The following HOGA1 variants were observed in gnomAD, a reference collection of about 807,000 sequenced individuals.
The protein encoded by HOGA1 is 4-hydroxy-2-oxoglutarate aldolase, mitochondrial.
In HOGA1, 30 loss-of-function variants were observed where a neutral mutation model predicts 34.3. The ratio of observed to expected loss-of-function variants is 0.87; its 90% confidence interval spans 0.65 to 1.19. HOGA1 has a LOEUF of 1.19. Ranked by LOEUF, HOGA1 falls within the 50% of genes most tolerant of loss-of-function variation. The pLI, the probability that HOGA1 is intolerant of heterozygous loss-of-function variation, is 0.00. For missense variants in HOGA1, 417 were observed against 436.5 expected (o/e 0.96, Z 0.40); for synonymous variants, 161 against 174.0 (o/e 0.93, Z 0.59).
intron 1 of HOGA1, chr10:97,590,460 A>T (rs1324554082): frequency 6.2e-7 from 1 of 1,613,754 alleles, no homozygotes; most frequent in South Asian, 1.1e-5. Flanking sequence ...CAGCGGGAAA[A>T]CACCATAGCT....
In HOGA1 at chr10:97,599,673, T is replaced by G; in HGVS notation, c.469-7T>G. On this transcript the variant is annotated splice_region_variant and splice_polypyrimidine_tract_variant and intron_variant, in intron 3 of 6. Coordinates refer to ENST00000370646, the MANE Select transcript of HOGA1 (RefSeq NM_138413.4). ...TCTCCTGCTTTTCTCTGCGCCCCCC[T>G]CCCCAGGTTGCTGATCTCTCTCCAA... 6.2e-7 allele frequency: 1 copy of G among 1,613,830 alleles called. No individual in the cohort carries two copies. Among genetic ancestry groups the G allele is most frequent in the Non-Finnish European group, 8.5e-7 (1 of 1,179,962 alleles).
At chr10:97,610,769 C>T (rs989033437) in intron 6 of HOGA1, among the ~76,000 whole-genome samples, 3 of 151,882 alleles carry the variant, frequency 2.0e-5, no homozygotes, top group African/African-American at 7.2e-5. Context: ...CACTGCACTC[C>T]AGCCTGGGTG....
intron 1 of HOGA1, among the ~76,000 whole-genome samples, chr10:97,593,693 A>C (rs2041046538): frequency 6.6e-6 from 1 of 152,270 alleles, no homozygotes; most frequent in South Asian, 2.1e-4. Flanking sequence ...GGCACCACAC[A>C]GGAGGCCAGA....
chr10:97,586,220 G>A lies in HOGA1; in HGVS notation c.211+1306G>A, dbSNP rs142682487. Among the ~76,000 whole-genome samples the A allele has an allele frequency of 3.8e-3, 578 of 152,184 alleles. 2 individuals carry two copies. Among genetic ancestry groups the A allele is most frequent in the Middle Eastern group, 0.037 (11 of 294 alleles). ...CTGTCCCTATCGGACACATGGGAGT[G>A]ATAATGCTCATATTATGGGATGGTT... On this transcript the variant is annotated intron_variant, in intron 1 of 6. Coordinates refer to ENST00000370646, the MANE Select transcript of HOGA1 (RefSeq NM_138413.4).
chr10:97,597,809 T>C (rs1167974181), intron 1 of HOGA1, among the ~76,000 whole-genome samples: 2 of 151,898 alleles, frequency 1.3e-5, no homozygotes, highest in Admixed American at 6.6e-5. Context: ...ACTACACAAA[T>C]TAGTTGGGCA....
At chr10:97,588,561 T>C (rs1317475149) in intron 1 of HOGA1, among the ~76,000 whole-genome samples, 1 of 152,210 alleles carries the variant, frequency 6.6e-6, no homozygotes, top group Non-Finnish European at 1.5e-5. Context: ...GAAGGGGTCA[T>C]TACAGAAGGG....
At chr10:97,587,033 T>C (rs970738525) in intron 1 of HOGA1, among the ~76,000 whole-genome samples, 1 of 152,196 alleles carries the variant, frequency 6.6e-6, no homozygotes, top group Non-Finnish European at 1.5e-5. Context: ...GAACTGAGCC[T>C]TCAGGCTTCT....
intron 6 of HOGA1, among the ~76,000 whole-genome samples, chr10:97,610,795 C>G (rs971651169): frequency 1.3e-5 from 2 of 150,114 alleles, no homozygotes; most frequent in Non-Finnish European, 3.0e-5. Context: ...GCAAGACTGT[C>G]TCAAAAAAAT....
At chr10:97,588,864 G>A (rs1013488475) in intron 1 of HOGA1, among the ~76,000 whole-genome samples, 5 of 151,636 alleles carry the variant, frequency 3.3e-5, no homozygotes, top group Non-Finnish European at 5.9e-5. Flanking sequence ...TTTTAAATGG[G>A]CTAGATGCTT....
chr10:97,605,097 G>C (rs2041146930), intron 6 of HOGA1, among the ~76,000 whole-genome samples: 1 of 152,154 alleles, frequency 6.6e-6, no homozygotes. Flanking sequence ...TCATAGGGTA[G>C]TGGTATGTTT....
intron 1 of HOGA1, among the ~76,000 whole-genome samples, chr10:97,586,896 G>T: frequency 6.6e-6 from 1 of 152,200 alleles, no homozygotes; most frequent in East Asian, 1.9e-4. Flanking sequence ...AGCCAGCGGG[G>T]TGTGGTAGGA....
At chr10:97,602,373 G>A (rs888659434) in intron 6 of HOGA1, 3 of 1,194,190 alleles carry the variant, frequency 2.5e-6, no homozygotes, top group African/African-American at 1.6e-5. Flanking sequence ...GCTATCGGGG[G>A]CCAGGTCCTG....
At chr10:97,590,127 C>T in intron 1 of HOGA1, 1 of 1,614,130 alleles carries the variant, frequency 6.2e-7, no homozygotes, top group Non-Finnish European at 8.5e-7. Flanking sequence ...CACATAGAGA[C>T]CTTCACCACG....
At chr10:97,605,828 A>G (rs1021005285) in intron 6 of HOGA1, among the ~76,000 whole-genome samples, 2 of 152,134 alleles carry the variant, frequency 1.3e-5, no homozygotes, top group African/African-American at 4.8e-5. Flanking sequence ...TCTAAATACT[A>G]GTCCTTTGTT....
chr10:97,592,874 T>C (rs1325482134), intron 1 of HOGA1, among the ~76,000 whole-genome samples: 1 of 151,206 alleles, frequency 6.6e-6, no homozygotes, highest in African/African-American at 2.4e-5. Flanking sequence ...CTACTAAATA[T>C]GCAAAAATGA....
At chr10:97,588,763 T>C (rs1388425897) in intron 1 of HOGA1, among the ~76,000 whole-genome samples, 3 of 152,252 alleles carry the variant, frequency 2.0e-5, no homozygotes, top group Non-Finnish European at 4.4e-5. Flanking sequence ...TATAATATTT[T>C]GTATATATTA....
intron 6 of HOGA1, chr10:97,602,460 G>C (rs2275048): frequency 0.061 from 59,743 of 985,234 alleles, 2,439 homozygotes; most frequent in African/African-American, 0.2. Flanking sequence ...CGGTTCTGTG[G>C]TCAGACTGTA....
At chr10:97,585,258 A>G (rs1486188062) in intron 1 of HOGA1, among the ~76,000 whole-genome samples, 4 of 152,200 alleles carry the variant, frequency 2.6e-5, no homozygotes, top group Non-Finnish European at 5.9e-5. Context: ...ATGTGAAGGC[A>G]TGTGGCTGGG....
At chr10:97,600,023 A>C in intron 4 of HOGA1, 44 bp from the exon 5 acceptor site, 2 of 1,586,658 alleles carry the variant, frequency 1.3e-6, no homozygotes, top group Non-Finnish European at 1.7e-6. Context: ...CTCATCCAGG[A>C]TGAGGCTCTG....
Sources: gnomAD v4.1 joint callset for allele counts (sites outside exome capture counted in the v4.1 genomes callset) on GRCh38, gnomAD v4.1.1 for gene constraint, MANE v1.5 for transcripts, NCBI Gene and HGNC (gene_info 2026-07-23, HGNC 2026-07-21) for gene names.